The following SPOCK1 variants were observed in gnomAD, a reference collection of about 807,000 sequenced individuals.
SPOCK1 encodes testican-1.
In SPOCK1, 23 loss-of-function variants were observed where a neutral mutation model predicts 55.3. That is an observed-to-expected ratio of 0.42 (90% CI 0.30 to 0.59). The LOEUF is 0.59. Ranked by LOEUF, SPOCK1 falls within the 20% of genes least tolerant of loss-of-function variation. SPOCK1 has a pLI of 0.22. For synonymous variants in SPOCK1, 226 were observed against 221.0 expected, an observed-to-expected ratio of 1.02 and a Z score of -0.20; for missense variants, 499 against 552.5, an observed-to-expected ratio of 0.90 and a Z score of 0.97.
chr5:137,239,337 A>T (rs2127099020), intron 3 of SPOCK1, among the ~76,000 whole-genome samples: 1 of 152,376 alleles, frequency 6.6e-6, no homozygotes, highest in East Asian at 1.9e-4. Flanking sequence ...TGCCCTATGT[A>T]TCTCTTCATC....
intron 2 of SPOCK1, among the ~76,000 whole-genome samples, chr5:137,293,711 C>A (rs1052861320): frequency 2.6e-4 from 40 of 152,310 alleles, no homozygotes; most frequent in African/African-American, 9.4e-4. Flanking sequence ...AGGGCAGCGC[C>A]ATCCAATAAA....
chr5:137,120,334 G>C (rs1753662480), intron 4 of SPOCK1, among the ~76,000 whole-genome samples: 1 of 152,174 alleles, frequency 6.6e-6, no homozygotes. Flanking sequence ...TATTTAAAAA[G>C]TCTTAGAGCA....
intron 3 of SPOCK1, among the ~76,000 whole-genome samples, chr5:137,256,294 C>T (rs1306188898): frequency 1.3e-5 from 2 of 152,206 alleles, no homozygotes; most frequent in Non-Finnish European, 2.9e-5. Context: ...AGGCTTATTA[C>T]AAGTGGCTTT....
intron 2 of SPOCK1, among the ~76,000 whole-genome samples, chr5:137,281,461 AAT>A (rs1461283765): frequency 6.6e-6 from 1 of 152,226 alleles, no homozygotes; most frequent in Admixed American, 6.5e-5. Context: ...TGGGATGGCA[AAT>A]AGTGTCACCC....
chr5:137,468,387 C>G (rs1040529174), intron 2 of SPOCK1, among the ~76,000 whole-genome samples: 2 of 152,220 alleles, frequency 1.3e-5, no homozygotes, highest in African/African-American at 4.8e-5. Context: ...TTGAATTCTG[C>G]CCAGCGCTTT....
intron 3 of SPOCK1, among the ~76,000 whole-genome samples, chr5:137,211,398 G>A (rs1471447026): frequency 6.6e-6 from 1 of 152,230 alleles, no homozygotes; most frequent in African/African-American, 2.4e-5. Context: ...GAAAGAAGAA[G>A]TACATATTTG....
At chr5:137,410,197 C>A (rs1164491784) in intron 2 of SPOCK1, among the ~76,000 whole-genome samples, 2 of 152,260 alleles carry the variant, frequency 1.3e-5, no homozygotes, top group Non-Finnish European at 2.9e-5. Flanking sequence ...TCGGCATTCA[C>A]AGGCACTTAA....
intron 2 of SPOCK1, among the ~76,000 whole-genome samples, chr5:137,318,513 C>A (rs1007418074): frequency 1.3e-5 from 2 of 152,146 alleles, no homozygotes; most frequent in Non-Finnish European, 2.9e-5. Context: ...CTCTCAGTAC[C>A]TTGAGAAGAG....
At chr5:137,160,615 ATATATATTT>A (rs1261705145) in intron 3 of SPOCK1, among the ~76,000 whole-genome samples, 2 of 43,406 alleles carry the variant, frequency 4.6e-5, no homozygotes, top group East Asian at 1.5e-3. Context: ...ATAATATATA[ATATATATTT>A]TATATAATAT....
chr5:137,176,502 A>ATGTGTGTGTGTGTGTGTG lies in SPOCK1; in HGVS notation c.233-35826_233-35809dup, dbSNP rs10527760. ...GCTTACAAAAATCTCCCCCACCACAATGTGTGTGTGTGTGTGTGTGTGTGT... is the reference window on the plus strand; with the variant it reads ...GCTTACAAAAATCTCCCCCACCACAATGTGTGTGTGTGTGTGTGTGTGTGTGTGTGTGTGTGTGTGTGT... On this transcript the variant is annotated intron_variant, in intron 3 of 10. Coordinates refer to ENST00000394945, the MANE Select transcript of SPOCK1 (RefSeq NM_004598.4). 3.5e-3 allele frequency among the ~76,000 whole-genome samples: 527 copies of ATGTGTGTGTGTGTGTGTG among 150,410 alleles called. 3 individuals are homozygous for ATGTGTGTGTGTGTGTGTG. The highest frequency in any genetic ancestry group is 0.011 in the African/African-American group (460 of 40,898).
chr5:137,431,858 C>G (rs1023042559), intron 2 of SPOCK1, among the ~76,000 whole-genome samples: 2 of 152,180 alleles, frequency 1.3e-5, no homozygotes, highest in Non-Finnish European at 2.9e-5. Flanking sequence ...AAATAAGCCT[C>G]TTTTCTTTAT....
chr5:137,108,905 GTCAA>G (rs1753414613), intron 5 of SPOCK1, among the ~76,000 whole-genome samples: 1 of 152,154 alleles, frequency 6.6e-6, no homozygotes, highest in Non-Finnish European at 1.5e-5. Context: ...TATCCAAAAA[GTCAA>G]CTTTCCTGCC....
intron 2 of SPOCK1, among the ~76,000 whole-genome samples, chr5:137,395,615 G>C (rs1673114906): frequency 6.6e-6 from 1 of 152,210 alleles, no homozygotes; most frequent in Non-Finnish European, 1.5e-5. Flanking sequence ...CCAAACTGCA[G>C]GCAGCTGCTA....
intron 2 of SPOCK1, among the ~76,000 whole-genome samples, chr5:137,409,447 G>A (rs978025122): frequency 1.3e-5 from 2 of 152,190 alleles, no homozygotes; most frequent in Non-Finnish European, 2.9e-5. Context: ...GTCTGGCCTA[G>A]CATCTCAGAG....
intron 3 of SPOCK1, among the ~76,000 whole-genome samples, chr5:137,208,519 T>C (rs1489547783): frequency 6.6e-6 from 1 of 152,206 alleles, no homozygotes; most frequent in Non-Finnish European, 1.5e-5. Flanking sequence ...TGAAATACTA[T>C]GCAGCTCTTA....
intron 2 of SPOCK1, among the ~76,000 whole-genome samples, chr5:137,351,366 T>G (rs1750675379): frequency 6.6e-6 from 1 of 152,224 alleles, no homozygotes; most frequent in African/African-American, 2.4e-5. Context: ...GCTAGGTGGT[T>G]GTATCATCTA....
intron 3 of SPOCK1, among the ~76,000 whole-genome samples, chr5:137,186,041 T>C (rs543341746): frequency 6.6e-6 from 1 of 152,330 alleles, no homozygotes; most frequent in South Asian, 2.1e-4. Flanking sequence ...GAGATGGTTA[T>C]TGGGAATCCA....
intron 2 of SPOCK1, among the ~76,000 whole-genome samples, chr5:137,364,786 T>A (rs1007784742): frequency 5.3e-5 from 8 of 152,216 alleles, no homozygotes; most frequent in African/African-American, 1.9e-4. Flanking sequence ...AGCCAAGACT[T>A]GGAATTAGCC....
intron 3 of SPOCK1, among the ~76,000 whole-genome samples, chr5:137,235,748 C>T (rs1417146066): frequency 2.0e-5 from 3 of 152,150 alleles, no homozygotes; most frequent in Non-Finnish European, 2.9e-5. Context: ...AAGAGTAGTA[C>T]AGATATGACC....
Sources: allele counts gnomAD v4.1 joint callset (sites outside exome capture counted in the v4.1 genomes callset), GRCh38; gene constraint gnomAD v4.1.1; transcripts MANE v1.5; gene names NCBI Gene and HGNC (gene_info 2026-07-23, HGNC 2026-07-21).